Variants in TLN2 observed in about 807,000 individuals in gnomAD.
TLN2 encodes talin-2.
A neutral mutation model predicts 294.7 loss-of-function variants in TLN2; 118 were observed. The ratio of observed to expected loss-of-function variants is 0.40; its 90% CI spans 0.34 to 0.47. The LOEUF is 0.47. Among genes scored for constraint, TLN2 ranks in the 20% least tolerant of loss-of-function variants. The pLI is 0.84. For synonymous variants in TLN2, 1,431 were observed against 1,304.5 expected, an observed-to-expected ratio of 1.10 and a Z score of -2.09; for missense variants, 3,083 against 3,282.2, an observed-to-expected ratio of 0.94 and a Z score of 1.48.
chr15:62,764,971 TAA>T (rs5813170), intron 40 of TLN2, among the ~76,000 whole-genome samples: 18,350 of 108,980 alleles, frequency 0.17, 2,133 homozygotes, highest in African/African-American at 0.32. Flanking sequence ...GACTCCATCT[TAA>T]AAAAAAAAAA....
chr15:62,442,886 T>C (rs1031255590), intron 1 of TLN2, among the ~76,000 whole-genome samples: 19 of 152,166 alleles, frequency 1.2e-4, no homozygotes, highest in African/African-American at 2.2e-4. Context: ...TCTTTGCTTT[T>C]TCCAGCTTCT....
At chr15:62,776,266 G>A (rs2063715172) in intron 42 of TLN2, among the ~76,000 whole-genome samples, 1 of 152,126 alleles carries the variant, frequency 6.6e-6, no homozygotes, top group East Asian at 1.9e-4. Flanking sequence ...TATAATTTGT[G>A]ACATAGTTTC....
At chr15:62,403,849 C>T (rs747342462) in intron 1 of TLN2, among the ~76,000 whole-genome samples, 1 of 152,226 alleles carries the variant, frequency 6.6e-6, no homozygotes, top group Non-Finnish European at 1.5e-5. Flanking sequence ...TCTCAAGCTT[C>T]TTCCTTATTT....
At chr15:62,591,358 C>CT (rs1006157220) in intron 2 of TLN2, among the ~76,000 whole-genome samples, 1 of 152,106 alleles carries the variant, frequency 6.6e-6, no homozygotes, top group African/African-American at 2.4e-5. Context: ...TCTTCTGCCT[C>CT]TAAGACTGTA....
In TLN2 at chr15:62,589,711, C is replaced by T. The variant is rs1489551672; in HGVS notation, c.-213C>T. The T allele has an allele frequency of 6.6e-6, 1 of 152,186 alleles. No individual in the cohort carries two copies. Among genetic ancestry groups the T allele is most frequent in the Non-Finnish European group, 1.5e-5 (1 of 68,044 alleles). 9.4% of individuals were successfully genotyped at this position (152,186 alleles called of 1,614,324 possible). A position where few individuals can be genotyped will look rare whatever the true frequency, so the allele number is the denominator to read the frequency against. ...GGTGCTGCAGGAGGCTTCTCACATG[C>T]TTTGGGATATCTTCAGGGAAATACG... On this transcript the variant is annotated 5_prime_UTR_variant, in exon 2 of 59. Coordinates refer to ENST00000636159, the MANE Select transcript of TLN2 (RefSeq NM_015059.3).
intron 1 of TLN2, among the ~76,000 whole-genome samples, chr15:62,583,892 A>G (rs1190574730): frequency 2.0e-5 from 3 of 152,172 alleles, no homozygotes; most frequent in Non-Finnish European, 4.4e-5. Flanking sequence ...AATTCATGGC[A>G]TCTCTGTTTT....
chr15:62,716,862 G>A (rs1335552229), intron 23 of TLN2, among the ~76,000 whole-genome samples: 2 of 152,046 alleles, frequency 1.3e-5, no homozygotes, highest in African/African-American at 2.4e-5. Flanking sequence ...GGTATAGAAG[G>A]GAGTGAAATA....
chr15:62,636,178 AC>A lies in TLN2; in HGVS notation c.-36-11096del, dbSNP rs1157944521. Among the ~76,000 whole-genome samples the A allele has an allele frequency of 3.3e-5, 5 of 152,354 alleles. No individual in the cohort carries two copies. The East Asian group carries it at 9.6e-4, about 29-fold the overall frequency. ...TTACATTCAGAAGGATGGGAAAATT[AC>A]AGCAAGGATTTACATAACCTGTAGA... On this transcript the variant is annotated intron_variant, in intron 3 of 58. Transcript: ENST00000636159.
At chr15:62,540,877 C>T (rs1028320945) in intron 1 of TLN2, among the ~76,000 whole-genome samples, 3 of 152,058 alleles carry the variant, frequency 2.0e-5, no homozygotes, top group Admixed American at 1.3e-4. Flanking sequence ...CTCATATGTC[C>T]CTAATGCTTC....
At chr15:62,618,536 C>G (rs2048499816) in intron 3 of TLN2, 61 bp downstream of exon 3, 1 of 152,210 alleles carries the variant, frequency 6.6e-6, no homozygotes, top group South Asian at 2.1e-4. Flanking sequence ...TCATGACACA[C>G]AGATTTCCAC....
intron 1 of TLN2, among the ~76,000 whole-genome samples, chr15:62,482,321 G>C (rs899592245): frequency 2.0e-5 from 3 of 151,940 alleles, no homozygotes; most frequent in African/African-American, 7.2e-5. Flanking sequence ...TGATTGAATT[G>C]GCCAGGCATG....
intron 46 of TLN2, among the ~76,000 whole-genome samples, chr15:62,794,520 T>C (rs1261103680): frequency 2.0e-5 from 3 of 152,198 alleles, no homozygotes; most frequent in South Asian, 2.1e-4. Context: ...CAGACACATA[T>C]ACAACCCTGC....
intron 3 of TLN2, chr15:62,640,438 T>A: frequency 2.3e-6 from 1 of 442,342 alleles, no homozygotes; most frequent in Non-Finnish European, 4.5e-6. Context: ...TGAGGTATGG[T>A]AGCCTGGCCC....
rs575837501 is a variant in TLN2 at position 62,536,385 on chromosome 15, C to T, written c.-237-53302C>T. Among the ~76,000 whole-genome samples the T allele has an allele frequency of 2.6e-5, 4 of 152,314 alleles. No homozygotes were observed. In the East Asian group the frequency reaches 7.7e-4, roughly 29 times the overall value. ...TCAATTCCCTCTTCCCTTCTCTCATCCGTAGGGGCTTCTGATATCTTGTTT... is the reference window on the plus strand; with the variant it reads ...TCAATTCCCTCTTCCCTTCTCTCATTCGTAGGGGCTTCTGATATCTTGTTT... On this transcript the variant is annotated intron_variant, in intron 1 of 58. Coordinates refer to ENST00000636159, the MANE Select transcript of TLN2 (RefSeq NM_015059.3).
intron 1 of TLN2, among the ~76,000 whole-genome samples, chr15:62,554,898 G>C (rs983155047): frequency 2.0e-5 from 3 of 151,990 alleles, no homozygotes; most frequent in African/African-American, 7.3e-5. Context: ...AAAACTTAAG[G>C]GTCTGGCAGA....
chr15:62,829,129 T>A (rs1472328167), intron 54 of TLN2: 1 of 145,210 alleles, frequency 6.9e-6, no homozygotes, highest in Non-Finnish European at 1.5e-5. Context: ...TCTGTTTGGT[T>A]TTTGAGGGTA....
In TLN2 at chr15:62,561,299, T is replaced by A. The variant is rs1020561207; in HGVS notation, c.-237-28388T>A. 5 of 152,330 alleles carry A rather than the reference T, an allele frequency of 3.3e-5. No homozygotes were observed. The South Asian group carries it at 6.2e-4, about 19-fold the overall frequency. The allele number at this position is 152,330 out of a possible 1,614,324, so 9.4% of individuals were successfully genotyped here. A position where few individuals can be genotyped will look rare whatever the true frequency, so the allele number is the denominator to read the frequency against. On this transcript the variant is annotated intron_variant, in intron 1 of 58. Transcript: ENST00000636159. ...ATCTCTGGTCTGATTACACAAATTA[T>A]AGCAAAGGGCCTGTTTTCAAAGGAA... is the stretch of plus-strand genomic sequence containing the variant.
At chr15:62,548,894 G>C (rs751604112) in intron 1 of TLN2, among the ~76,000 whole-genome samples, 30 of 152,148 alleles carry the variant, frequency 2.0e-4, no homozygotes, top group Admixed American at 7.9e-4. Context: ...GAATCCTAGG[G>C]TAAATAATCT....
At chr15:62,507,121 A>G (rs2039662596) in intron 1 of TLN2, among the ~76,000 whole-genome samples, 2 of 152,220 alleles carry the variant, frequency 1.3e-5, no homozygotes, top group Non-Finnish European at 2.9e-5. Context: ...AGAAATTGGT[A>G]TAAAGTCAGA....
Sources: allele counts gnomAD v4.1 joint callset (sites outside exome capture counted in the v4.1 genomes callset), GRCh38; gene constraint gnomAD v4.1.1; transcripts MANE v1.5; gene names NCBI Gene and HGNC (gene_info 2026-07-23, HGNC 2026-07-21).